Variants in TMEM132B observed in about 807,000 individuals in gnomAD.
TMEM132B encodes the protein transmembrane protein 132B.
Under a neutral mutation model 90.8 loss-of-function variants are expected in TMEM132B, and 18 were observed. The observed-to-expected ratio is 0.20, with a 90% CI of 0.14 to 0.29. The LOEUF (loss-of-function observed/expected upper bound fraction) is 0.29. TMEM132B is among the 10% of genes least tolerant of loss of function. The pLI, the probability that TMEM132B is intolerant of heterozygous loss-of-function variation, is 1.00. For synonymous variants in TMEM132B, 504 were observed against 523.3 expected (o/e 0.96, Z 0.50); for missense variants, 1,096 against 1,326.8 (o/e 0.83, Z 2.70).
At position 125,295,515 on chromosome 12, in the gene TMEM132B, TGAGA is replaced by T. The variant is rs1555237218; in HGVS notation, c.68-53912_68-53909del. Among the ~76,000 whole-genome samples the T allele has an allele frequency of 6.1e-3, 870 of 142,392 alleles. 3 individuals are homozygous for T. Among genetic ancestry groups the T allele is most frequent in the Non-Finnish European group, 7.2e-3 (472 of 65,594 alleles). The allele number at this position is 142,392 out of a possible 152,430, so 93.4% of individuals were successfully genotyped here. On this transcript the variant is annotated intron_variant, in intron 1 of 8. Coordinates refer to ENST00000682704, the MANE Select transcript of TMEM132B (RefSeq NM_001366854.1). ...TCCATGAAACCTGTGTGTGTGTGTGTGAGAGAGAGAGAGAGAGAGAGAGAGAGAC... is the reference window on the plus strand; with the variant it reads ...TCCATGAAACCTGTGTGTGTGTGTGTGAGAGAGAGAGAGAGAGAGAGAGAC...
chr12:125,377,242 G>A (rs1878522058), intron 2 of TMEM132B, among the ~76,000 whole-genome samples: 1 of 152,228 alleles, frequency 6.6e-6, no homozygotes, highest in Non-Finnish European at 1.5e-5. Context: ...GGCATGAAAT[G>A]GAGAGAGTTC....
At chr12:125,629,116 A>T (rs1886299134) in intron 5 of TMEM132B, among the ~76,000 whole-genome samples, 1 of 151,636 alleles carries the variant, frequency 6.6e-6, no homozygotes. Flanking sequence ...TGCTTAGGAT[A>T]GCTTTGGCTA....
At chr12:125,411,757 C>T (rs760364070) in intron 2 of TMEM132B, among the ~76,000 whole-genome samples, 1 of 152,102 alleles carries the variant, frequency 6.6e-6, no homozygotes, top group South Asian at 2.1e-4. Context: ...CCCACCCAGA[C>T]GGCAACCCGG....
intron 1 of TMEM132B, among the ~76,000 whole-genome samples, chr12:125,339,029 ACTCTCAATGTGTAGATC>A (rs2136217354): frequency 6.6e-6 from 1 of 152,124 alleles, no homozygotes; most frequent in East Asian, 1.9e-4. Context: ...AGGCATCCAC[ACTCTCAATGTGTAGATC>A]CTCACCTCCA....
chr12:125,375,422 C>A (rs565691744), intron 2 of TMEM132B, among the ~76,000 whole-genome samples: 2 of 152,196 alleles, frequency 1.3e-5, no homozygotes. Flanking sequence ...CAAAGAGATA[C>A]ATTTTGTCGC....
intron 1 of TMEM132B, among the ~76,000 whole-genome samples, chr12:125,298,934 C>T (rs1339954929): frequency 4.0e-5 from 6 of 151,740 alleles, no homozygotes; most frequent in South Asian, 4.2e-4. Flanking sequence ...GGGGTTTCAC[C>T]GTGTTAGCCG....
intron 1 of TMEM132B, among the ~76,000 whole-genome samples, chr12:125,307,020 C>T (rs951670220): frequency 1.3e-5 from 2 of 152,214 alleles, no homozygotes; most frequent in Non-Finnish European, 2.9e-5. Flanking sequence ...CCTCCTTTCC[C>T]TTTCTGTGCT....
intron 1 of TMEM132B, among the ~76,000 whole-genome samples, chr12:125,281,888 C>T (rs1211891325): frequency 2.0e-5 from 3 of 151,524 alleles, no homozygotes; most frequent in Non-Finnish European, 2.9e-5. Flanking sequence ...ATTAGCCGGG[C>T]GAGGTGGCAG....
intron 3 of TMEM132B, among the ~76,000 whole-genome samples, chr12:125,483,259 CAATG>C (rs1566049690): frequency 6.6e-6 from 1 of 151,746 alleles, no homozygotes. Context: ...AAAACATTAA[CAATG>C]AATAGTGAAA....
At chr12:125,596,304 C>T (rs931428208) in intron 5 of TMEM132B, among the ~76,000 whole-genome samples, 12 of 152,286 alleles carry the variant, frequency 7.9e-5, no homozygotes, top group South Asian at 6.2e-4. Context: ...AGGGGGTAGA[C>T]GAAGTGGATT....
chr12:125,388,525 A>G (rs1413444515), intron 2 of TMEM132B, among the ~76,000 whole-genome samples: 1 of 152,028 alleles, frequency 6.6e-6, no homozygotes, highest in Non-Finnish European at 1.5e-5. Flanking sequence ...TGAGCTGATC[A>G]CTCTAGTTGG....
At chr12:125,314,817 G>C (rs1666839) in intron 1 of TMEM132B, among the ~76,000 whole-genome samples, 1 of 152,092 alleles carries the variant, frequency 6.6e-6, no homozygotes, top group African/African-American at 2.4e-5. Context: ...TTAGAATAAA[G>C]ATTAGCTGAG....
chr12:125,409,660 GGAGT>G (rs1286366416), intron 2 of TMEM132B, among the ~76,000 whole-genome samples: 2 of 80,262 alleles, frequency 2.5e-5, no homozygotes, highest in Admixed American at 1.2e-4. Context: ...GGAGTGGAGT[GGAGT>G]GAGTGGAGTG....
chr12:125,207,119 A>C (rs2136062652), intron 1 of TMEM132B, among the ~76,000 whole-genome samples: 1 of 152,352 alleles, frequency 6.6e-6, no homozygotes, highest in East Asian at 1.9e-4. Context: ...TGGCCAGCCC[A>C]GTGCTTTAAT....
In TMEM132B at chr12:125,490,730, T is replaced by C. The variant is rs746490654; in HGVS notation, c.1107-28709T>C. ...ATCCGCCCGTCTTGGCCTCCCAAAG[T>C]GCTGGGATTACAGGTGTGAGCCACC... On this transcript the variant is annotated intron_variant, in intron 3 of 8. Transcript: ENST00000682704. The surrounding 1 kb of genome is among the most constrained non-coding windows in gnomAD (Gnocchi z 4.2). Among the ~76,000 whole-genome samples, 7 of 152,314 alleles carry C rather than the reference T, an allele frequency of 4.6e-5. No individual in the cohort carries two copies. The highest frequency in any genetic ancestry group is 8.8e-5 in the Non-Finnish European group (6 of 68,028).
chr12:125,233,825 A>G (rs1285038969), intron 1 of TMEM132B, among the ~76,000 whole-genome samples: 1 of 152,148 alleles, frequency 6.6e-6, no homozygotes, highest in African/African-American at 2.4e-5. Flanking sequence ...CTCTTCCTGG[A>G]GCCTGAACCT....
At chr12:125,255,540 G>A (rs1874420694) in intron 1 of TMEM132B, among the ~76,000 whole-genome samples, 1 of 152,104 alleles carries the variant, frequency 6.6e-6, no homozygotes, top group Admixed American at 6.6e-5. Context: ...CCTAAAAATT[G>A]CTCCCTTGGG....
intron 4 of TMEM132B, among the ~76,000 whole-genome samples, chr12:125,528,486 G>A (rs942935133): frequency 6.6e-6 from 1 of 152,186 alleles, no homozygotes; most frequent in African/African-American, 2.4e-5. Flanking sequence ...ACAAGGCCTG[G>A]ACACAAATAC....
intron 2 of TMEM132B, among the ~76,000 whole-genome samples, chr12:125,356,972 C>T (rs963595633): frequency 1.3e-5 from 2 of 152,350 alleles, no homozygotes; most frequent in Admixed American, 1.3e-4. Flanking sequence ...GCTTTTCCTG[C>T]TAGCAAGTCA....
Sources: allele counts gnomAD v4.1 joint callset (sites outside exome capture counted in the v4.1 genomes callset), GRCh38; gene constraint gnomAD v4.1.1; non-coding constraint Gnocchi (gnomAD v3.1); transcripts MANE v1.5; gene names NCBI Gene and HGNC (gene_info 2026-07-23, HGNC 2026-07-21).